Variants in LRRTM4 observed in about 807,000 individuals in gnomAD.
LRRTM4 encodes leucine rich repeat transmembrane neuronal 4.
A neutral mutation model predicts 47.6 loss-of-function variants in LRRTM4; 25 were observed. The observed-to-expected ratio is 0.53, with a 90% confidence interval of 0.38 to 0.73. The LOEUF (loss-of-function observed/expected upper bound fraction) is 0.73, where lower values mean the gene tolerates loss of function less well. Ranked by LOEUF, LRRTM4 falls within the 30% of genes least tolerant of loss-of-function variation. LRRTM4 has a pLI of 0.00. For missense variants in LRRTM4, 638 were observed against 713.4 expected (o/e 0.89, Z 1.20); for synonymous variants, 311 against 269.5 (o/e 1.15, Z -1.51).
intron 3 of LRRTM4, among the ~76,000 whole-genome samples, chr2:76,805,030 A>AT (rs1355179540): frequency 6.6e-6 from 1 of 152,108 alleles, no homozygotes; most frequent in South Asian, 2.1e-4. Flanking sequence ...CCTTTGTTTT[A>AT]TTTTTTATTT....
intron 3 of LRRTM4, among the ~76,000 whole-genome samples, chr2:76,900,938 G>A (rs896343198): frequency 3.9e-5 from 6 of 152,122 alleles, no homozygotes; most frequent in Non-Finnish European, 5.9e-5. Flanking sequence ...ATACGCCAAT[G>A]CATGCATTTT....
intron 3 of LRRTM4, among the ~76,000 whole-genome samples, chr2:77,183,142 C>T (rs1673396760): frequency 6.6e-6 from 1 of 152,096 alleles, no homozygotes; most frequent in African/African-American, 2.4e-5. Flanking sequence ...TCAGAGTGAA[C>T]AGGCAACCTA....
At chr2:76,966,446 T>C (rs1676026808) in intron 3 of LRRTM4, among the ~76,000 whole-genome samples, 1 of 151,448 alleles carries the variant, frequency 6.6e-6, no homozygotes, top group Admixed American at 6.6e-5. Context: ...ACAGTTTACT[T>C]AGTAATAAAA....
intron 3 of LRRTM4, among the ~76,000 whole-genome samples, chr2:77,193,825 C>T (rs960183940): frequency 2.6e-5 from 4 of 152,144 alleles, no homozygotes; most frequent in African/African-American, 9.7e-5. Context: ...CTGCTGCACA[C>T]TTTTAGGACA....
chr2:77,392,615 A>G (rs1027721845), intron 3 of LRRTM4, among the ~76,000 whole-genome samples: 1 of 152,070 alleles, frequency 6.6e-6, no homozygotes, highest in Non-Finnish European at 1.5e-5. Flanking sequence ...GAAATAAGCC[A>G]GGCTCAGAAA....
chr2:77,181,740 C>CA (rs900562351), intron 3 of LRRTM4, among the ~76,000 whole-genome samples: 15 of 150,760 alleles, frequency 9.9e-5, no homozygotes, highest in Middle Eastern at 3.4e-3. Flanking sequence ...TATGATGATG[C>CA]AAAAAAAAGC....
At chr2:77,074,408 CTT>C (rs1680265243) in intron 3 of LRRTM4, among the ~76,000 whole-genome samples, 1 of 152,060 alleles carries the variant, frequency 6.6e-6, no homozygotes, top group African/African-American at 2.4e-5. Context: ...TTGAAACTGA[CTT>C]TATCATTTAG....
intron 3 of LRRTM4, among the ~76,000 whole-genome samples, chr2:77,296,057 C>T (rs1193736524): frequency 6.6e-6 from 1 of 152,002 alleles, no homozygotes; most frequent in Non-Finnish European, 1.5e-5. Context: ...CGTATAAATC[C>T]TTAATTATTT....
At chr2:76,773,062 A>C (rs1489531257) in intron 3 of LRRTM4, 1 of 152,168 alleles carries the variant, frequency 6.6e-6, no homozygotes, top group Admixed American at 6.5e-5. Context: ...AAGGATAAGG[A>C]GTACTATTGT....
chr2:76,963,363 C>G (rs1675923902), intron 3 of LRRTM4, among the ~76,000 whole-genome samples: 1 of 150,658 alleles, frequency 6.6e-6, no homozygotes, highest in South Asian at 2.1e-4. Context: ...GGAACTATCT[C>G]CTTAGAAAAA....
chr2:76,997,837 C>A (rs1165855604), intron 3 of LRRTM4, among the ~76,000 whole-genome samples: 4 of 151,880 alleles, frequency 2.6e-5, no homozygotes, highest in African/African-American at 9.7e-5. Flanking sequence ...TGCCTGAGTT[C>A]CACCTCCAAT....
chr2:76,894,536 G>T (rs531116110), intron 3 of LRRTM4, among the ~76,000 whole-genome samples: 2 of 152,138 alleles, frequency 1.3e-5, no homozygotes, highest in South Asian at 4.1e-4. Flanking sequence ...CAGGTCAGTT[G>T]ATTATCCATA....
At position 77,321,552 on chromosome 2, in the gene LRRTM4, AG is replaced by A. The variant is rs778795003; in HGVS notation, c.1551+196765del. On this transcript the variant is annotated intron_variant, in intron 3 of 3. Coordinates refer to ENST00000409884, the MANE Select transcript of LRRTM4 (RefSeq NM_001134745.3). Reference sequence around the variant, plus strand: ...CAAATAAGTGTTGGCTAAATCGGGGAGGGGGGGGGGTGTGTGAAAGAAAAGA... The same window carrying A: ...CAAATAAGTGTTGGCTAAATCGGGGAGGGGGGGGGTGTGTGAAAGAAAAGA... Among the ~76,000 whole-genome samples the A allele has an allele frequency of 0.022, 466 of 21,086 alleles. 11 individuals are homozygous for A. In the East Asian group the frequency reaches 0.24, roughly 11 times the overall value. 13.8% of individuals were successfully genotyped at this position (21,086 alleles called of 152,430 possible).
intron 3 of LRRTM4, among the ~76,000 whole-genome samples, chr2:76,942,862 T>C (rs17013381): frequency 0.23 from 34,620 of 152,088 alleles, 4,719 homozygotes; most frequent in African/African-American, 0.37. Context: ...ATCCATAAAA[T>C]GATATGATCT....
At chr2:76,800,426 TCCTTACA>T (rs2103766857) in intron 3 of LRRTM4, among the ~76,000 whole-genome samples, 1 of 130,316 alleles carries the variant, frequency 7.7e-6, no homozygotes, top group Non-Finnish European at 1.6e-5. Context: ...CTGGATCCCT[TCCTTACA>T]CCTTATACAA....
At chr2:77,302,228 A>G (rs1036253079) in intron 3 of LRRTM4, among the ~76,000 whole-genome samples, 1 of 152,230 alleles carries the variant, frequency 6.6e-6, no homozygotes, top group Non-Finnish European at 1.5e-5. Context: ...TGCATCTAAT[A>G]CAGAAATAAT....
At chr2:77,509,006 C>T (rs1678878816) in intron 3 of LRRTM4, among the ~76,000 whole-genome samples, 1 of 152,068 alleles carries the variant, frequency 6.6e-6, no homozygotes, top group Non-Finnish European at 1.5e-5. Flanking sequence ...CCAGGGCGGG[C>T]AGATCACCCG....
At chr2:76,989,945 T>C (rs1676945399) in intron 3 of LRRTM4, 1 of 151,782 alleles carries the variant, frequency 6.6e-6, no homozygotes, top group Admixed American at 6.6e-5. Flanking sequence ...CTGCTGGCTA[T>C]TTACTTATAT....
intron 3 of LRRTM4, among the ~76,000 whole-genome samples, chr2:76,824,722 A>G (rs1162203411): frequency 1.3e-5 from 2 of 151,606 alleles, no homozygotes; most frequent in Admixed American, 6.6e-5. Context: ...AGTGTTAGCA[A>G]TCTTTCATGG....
Sources: gnomAD v4.1 joint callset for allele counts (sites outside exome capture counted in the v4.1 genomes callset) on GRCh38, gnomAD v4.1.1 for gene constraint, MANE v1.5 for transcripts, NCBI Gene and HGNC (gene_info 2026-07-23, HGNC 2026-07-21) for gene names.